Variants in ATP6V1H observed in about 807,000 individuals in gnomAD.
ATP6V1H encodes the protein V-type proton ATPase subunit H.
ATP6V1H carries 39 observed loss-of-function variants against 71.7 expected under a neutral mutation model. That is an observed-to-expected ratio of 0.54 (90% CI 0.42 to 0.71). The LOEUF is 0.71. Among genes scored for constraint, ATP6V1H ranks in the 30% least tolerant of loss-of-function variants. The probability of loss-of-function intolerance (pLI) is 0.00; values close to 1 mark genes in which losing one functional copy is unlikely to be tolerated. For missense variants in ATP6V1H, 509 were observed against 594.9 expected (o/e 0.86, Z 1.50); for synonymous variants, 192 against 199.3 (o/e 0.96, Z 0.31).
At chr8:53,842,669 G>T (rs1811381255) in intron 1 of ATP6V1H, 1 of 152,276 alleles carries the variant, frequency 6.6e-6, no homozygotes, top group South Asian at 2.1e-4. Flanking sequence ...AGGAGGCTCA[G>T]CCTCAGCGGC....
At chr8:53,728,722 C>T (rs1250920309) in intron 13 of ATP6V1H, among the ~76,000 whole-genome samples, 1 of 152,228 alleles carries the variant, frequency 6.6e-6, no homozygotes, top group Non-Finnish European at 1.5e-5. Flanking sequence ...CTGCCTTCCT[C>T]CTCCTCATCA....
intron 9 of ATP6V1H, among the ~76,000 whole-genome samples, chr8:53,775,799 C>G (rs897294625): frequency 2.0e-5 from 3 of 152,270 alleles, no homozygotes; most frequent in Non-Finnish European, 2.9e-5. Context: ...TAAAGACTCT[C>G]CACGTCCCCA....
At position 53,761,526 on chromosome 8, in the gene ATP6V1H, T is replaced by G. The variant is rs376171484; in HGVS notation, c.1176-4870A>C. Among the ~76,000 whole-genome samples the G allele has an allele frequency of 9.2e-5, 14 of 152,312 alleles. No homozygotes were observed. In the East Asian group the frequency reaches 2.5e-3, roughly 27 times the overall value. On this transcript the variant is annotated intron_variant, in intron 11 of 13. Transcript: ENST00000359530. The stretch of plus-strand genomic sequence containing the variant: ...ATAATAAAGATATGCATAATGCTTT[T>G]GTAATAACTTGTAAAACGTTCCCCT...
intron 13 of ATP6V1H, among the ~76,000 whole-genome samples, chr8:53,738,955 A>G (rs1382683613): frequency 2.0e-5 from 3 of 152,180 alleles, no homozygotes; most frequent in Non-Finnish European, 4.4e-5. Flanking sequence ...AAATCCAGTT[A>G]TATTTGTTTT....
intron 8 of ATP6V1H, among the ~76,000 whole-genome samples, chr8:53,797,900 G>A (rs1451117299): frequency 6.6e-6 from 1 of 152,100 alleles, no homozygotes; most frequent in East Asian, 1.9e-4. Context: ...TGTGTACTTA[G>A]TTAATAATTC....
rs189761237 is a variant in ATP6V1H at position 53,816,231 on chromosome 8, G to T, written c.420+1186C>A. Among the ~76,000 whole-genome samples, 9 of 152,244 alleles carry T rather than the reference G, an allele frequency of 5.9e-5. No individual in the cohort carries two copies. In the East Asian group the frequency reaches 1.7e-3, roughly 29 times the overall value. Reference sequence around the variant, plus strand: ...TGTATGAATACATATACATGTGGAAGGAGGGAGGGAGGGAGCAAGATAACA... The same window carrying T: ...TGTATGAATACATATACATGTGGAATGAGGGAGGGAGGGAGCAAGATAACA... On this transcript the variant is annotated intron_variant, in intron 5 of 13. Transcript: ENST00000359530.
chr8:53,811,213 A>G lies in ATP6V1H; in HGVS notation c.530T>C (p.Leu177Pro). Residue 177 changes from leucine (L) to proline (P), a missense_variant, in exon 7 of 14, where the codon CTG becomes CCG. Around this residue, in one of 2 missense-constraint regions of ATP6V1H, gnomAD observed 297 missense variants for 303.3 expected, o/e 0.98. Transcript: ENST00000359530. ...TTCAACAGCAACACCGCTACCACGC[A>G]GTTTCTATTACGAAATAAATAACTC... ...WIKTQLSSQK[L>P]RGSGVAVETG... 2.5e-6 allele frequency: 4 copies of G among 1,612,852 alleles called. No homozygotes were observed. Among genetic ancestry groups the G allele is most frequent in the Non-Finnish European group, 3.4e-6 (4 of 1,179,066 alleles).
chr8:53,725,932 A>G (rs1055504436), intron 13 of ATP6V1H, among the ~76,000 whole-genome samples: 1 of 152,214 alleles, frequency 6.6e-6, no homozygotes, highest in Non-Finnish European at 1.5e-5. Flanking sequence ...CTGACCGTTG[A>G]CAAGAAATCA....
At chr8:53,753,528 T>G (rs1001803473) in intron 12 of ATP6V1H, among the ~76,000 whole-genome samples, 1 of 152,138 alleles carries the variant, frequency 6.6e-6, no homozygotes, top group Admixed American at 6.5e-5. Flanking sequence ...AAAGAAACAT[T>G]TGAAACACCA....
At chr8:53,734,810 C>G (rs574234330) in intron 13 of ATP6V1H, among the ~76,000 whole-genome samples, 1 of 152,168 alleles carries the variant, frequency 6.6e-6, no homozygotes, top group South Asian at 2.1e-4. Context: ...CCTCAAGCAC[C>G]TGACCTTGTA....
intron 3 of ATP6V1H, 69 bp downstream of exon 3, chr8:53,832,915 A>G (rs759517070): frequency 3.6e-5 from 37 of 1,038,532 alleles, no homozygotes; most frequent in Non-Finnish European, 5.1e-5. Context: ...GTCACTTATA[A>G]TCACTAAGAT....
At chr8:53,770,500 G>C (rs1423264217) in intron 10 of ATP6V1H, among the ~76,000 whole-genome samples, 2 of 152,048 alleles carry the variant, frequency 1.3e-5, no homozygotes, top group African/African-American at 2.4e-5. Flanking sequence ...TAGTAATTCG[G>C]TATAACCAGG....
intron 2 of ATP6V1H, among the ~76,000 whole-genome samples, chr8:53,840,258 G>A (rs962758987): frequency 3.3e-5 from 5 of 152,182 alleles, no homozygotes; most frequent in Non-Finnish European, 7.3e-5. Context: ...AGCACTTTGG[G>A]AGGCCAAGAG....
chr8:53,771,949 C>T (rs1808674543), intron 10 of ATP6V1H, 40 bp downstream of exon 10: 2 of 1,568,972 alleles, frequency 1.3e-6, no homozygotes, highest in Non-Finnish European at 1.7e-6. Flanking sequence ...AAACAAAGCC[C>T]AACAGATCCA....
intron 9 of ATP6V1H, among the ~76,000 whole-genome samples, chr8:53,774,205 G>C (rs541497335): frequency 6.6e-6 from 1 of 152,374 alleles, no homozygotes; most frequent in African/African-American, 2.4e-5. Context: ...CAAAGGCATA[G>C]CATTGTCAAG....
chr8:53,729,761 C>T (rs890533766), intron 13 of ATP6V1H, among the ~76,000 whole-genome samples: 9 of 152,314 alleles, frequency 5.9e-5, no homozygotes, highest in South Asian at 2.1e-4. Context: ...AGAACTGCCC[C>T]GCAGACAGGG....
intron 13 of ATP6V1H, 58 bp downstream of exon 13, chr8:53,743,519 A>G: frequency 8.1e-7 from 1 of 1,233,238 alleles, no homozygotes; most frequent in Non-Finnish European, 1.2e-6. Context: ...AACTTTTAGA[A>G]TGGCAAGTGA....
At chr8:53,823,677 T>C (rs1295600250) in intron 4 of ATP6V1H, among the ~76,000 whole-genome samples, 1 of 152,180 alleles carries the variant, frequency 6.6e-6, no homozygotes, top group Non-Finnish European at 1.5e-5. Context: ...GGTTTCACCA[T>C]GTTGGCCAGG....
At chr8:53,739,571 C>T (rs1425801341) in intron 13 of ATP6V1H, 2 of 152,164 alleles carry the variant, frequency 1.3e-5, no homozygotes, top group Admixed American at 6.5e-5. Context: ...GTGTTTCTTT[C>T]CTGAAGTCCT....
Sources: gnomAD v4.1 joint callset for allele counts (sites outside exome capture counted in the v4.1 genomes callset) on GRCh38, gnomAD v4.1.1 for gene constraint, gnomAD v4.1.1 regional missense constraint, MANE v1.5 for transcripts, NCBI Gene and HGNC (gene_info 2026-07-23, HGNC 2026-07-21) for gene names.